Variants in EFCAB14 observed in about 807,000 individuals in gnomAD.
EFCAB14 encodes the protein EF-hand calcium-binding domain-containing protein 14.
In EFCAB14, 43 loss-of-function variants were observed where a neutral mutation model predicts 56.5. That is an observed-to-expected ratio of 0.76 (90% confidence interval 0.60 to 0.98). The LOEUF (loss-of-function observed/expected upper bound fraction) is 0.98, where lower values mean the gene tolerates loss of function less well. Among genes scored for constraint, EFCAB14 ranks in the 50% least tolerant of loss-of-function variants. EFCAB14 has a pLI of 0.00. For missense variants in EFCAB14, 538 were observed against 580.3 expected (o/e 0.93, Z 0.75); for synonymous variants, 235 against 212.9 (o/e 1.10, Z -0.90).
At chr1:46,685,292 G>A (rs1676862552) in intron 8 of EFCAB14, 2 of 152,210 alleles carry the variant, frequency 1.3e-5, no homozygotes, top group African/African-American at 4.8e-5. Flanking sequence ...ATTATAAAAA[G>A]AGAGACATCT....
intron 4 of EFCAB14, 65 bp from the exon 5 acceptor site, chr1:46,692,002 T>C: frequency 5.2e-6 from 6 of 1,146,366 alleles, no homozygotes; most frequent in Admixed American, 2.3e-5. Context: ...CAATAAACTG[T>C]ACATATTCAA....
At chr1:46,689,511 A>C in intron 6 of EFCAB14, 76 bp downstream of exon 6, 1 of 1,431,206 alleles carries the variant, frequency 7.0e-7, no homozygotes, top group South Asian at 1.2e-5. Context: ...GAGACACCAA[A>C]CACTAAGCCC....
Position 46,683,321 on chromosome 1 carries a change from G to A in EFCAB14, c.1291C>T (p.Pro431Ser). The change falls in exon 10 of 11, where the codon CCA becomes TCA. Residue 431 changes from proline to serine, a missense_variant. Transcript: ENST00000371933. ...KAAQLRPISLPGVSSTEDLQD... is the reference protein window; with the variant it reads ...KAAQLRPISLSGVSSTEDLQD... ...TTACCTTCAGTGCTAGAAACTCCTG[G>A]TAGGGAGATAGGTCTTAGTTGGGCA... 6.2e-7 allele frequency: 1 copy of A among 1,613,974 alleles called. No homozygotes were observed. The highest frequency in any genetic ancestry group is 8.5e-7 in the Non-Finnish European group (1 of 1,179,930).
intron 4 of EFCAB14, among the ~76,000 whole-genome samples, chr1:46,693,920 T>C (rs986000656): frequency 1.3e-5 from 2 of 152,072 alleles, no homozygotes; most frequent in Admixed American, 6.6e-5. Flanking sequence ...TCAGAAATAA[T>C]ACCACACATC....
intron 4 of EFCAB14, among the ~76,000 whole-genome samples, chr1:46,693,841 C>G (rs1166566182): frequency 1.3e-5 from 2 of 152,054 alleles, no homozygotes; most frequent in Admixed American, 6.6e-5. Context: ...TGAATAAATT[C>G]AAGAATAAAC....
intron 2 of EFCAB14, among the ~76,000 whole-genome samples, chr1:46,711,042 G>T (rs1294857946): frequency 6.6e-6 from 1 of 152,118 alleles, no homozygotes; most frequent in Non-Finnish European, 1.5e-5. Flanking sequence ...TCCATCTGCT[G>T]TTGGACACCT....
intron 2 of EFCAB14, among the ~76,000 whole-genome samples, chr1:46,711,815 G>C (rs767170756): frequency 1.7e-4 from 26 of 152,212 alleles, no homozygotes; most frequent in Admixed American, 3.9e-4. Context: ...TGTCTTTCCA[G>C]TTTGCAATAA....
At chr1:46,689,156 C>T (rs2148841576) in intron 6 of EFCAB14, among the ~76,000 whole-genome samples, 1 of 152,162 alleles carries the variant, frequency 6.6e-6, no homozygotes, top group South Asian at 2.1e-4. Flanking sequence ...CCCCTCTTGC[C>T]TTTTCGTCTT....
chr1:46,688,487 G>A lies in EFCAB14; in HGVS notation c.853C>T (p.Gln285Ter). The A allele has an allele frequency of 6.2e-7, 1 of 1,613,842 alleles. No individual in the cohort carries two copies. Among genetic ancestry groups the A allele is most frequent in the Non-Finnish European group, 8.5e-7 (1 of 1,179,862 alleles). The change falls in exon 7 of 11, where the codon CAG becomes TAG. Residue 285 changes from glutamine (Q) to a stop codon, truncating the protein, a stop_gained. Transcript: ENST00000371933. LOFTEE classifies it high-confidence loss of function. ...EEVNSALVGY[Q>*]RQNDLKLEGM... Reference sequence around the variant, plus strand: ...TCGAGTTTAAGATCATTCTGTCTCTGGTACCCCACTAGGGCACTGTTTACC... The same window carrying A: ...TCGAGTTTAAGATCATTCTGTCTCTAGTACCCCACTAGGGCACTGTTTACC...
Position 46,691,880 on chromosome 1 carries a change from G to C in EFCAB14, c.637C>G (p.Gln213Glu), listed in dbSNP as rs1676997921. 6.2e-7 allele frequency: 1 copy of C among 1,613,404 alleles called. No individual in the cohort carries two copies. The highest frequency in any genetic ancestry group is 1.7e-5 in the Admixed American group (1 of 59,904). The change falls in exon 5 of 11, where the codon CAG (glutamine) becomes GAG (glutamate). Residue 213 changes from glutamine (Q) to glutamate (E), a missense_variant. Gln to Glu is a conservative substitution (Grantham distance 29). Coordinates refer to ENST00000371933, the MANE Select transcript of EFCAB14 (RefSeq NM_014774.3). ...TTCTTGTGTTCATCCACAGTTTTCT[G>C]TAGTGCTTCCACAGCAAGATGGACG... The part of the protein sequence containing the change: ...NSVHLAVEAL[Q>E]KTVDEHKKTM...
At chr1:46,683,133 C>T in intron 10 of EFCAB14, 167 bp downstream of exon 10, 1 of 716,774 alleles carries the variant, frequency 1.4e-6, no homozygotes, top group Non-Finnish European at 2.2e-6. Context: ...TACTTATGTT[C>T]ATGGGATGGT....
At chr1:46,710,466 A>G (rs569205134) in intron 2 of EFCAB14, among the ~76,000 whole-genome samples, 40 of 151,792 alleles carry the variant, frequency 2.6e-4, no homozygotes, top group South Asian at 2.1e-4. Context: ...CCTTTAACCA[A>G]TCTCTCCCTA....
intron 2 of EFCAB14, among the ~76,000 whole-genome samples, chr1:46,710,067 G>C (rs1271908722): frequency 6.6e-6 from 1 of 152,152 alleles, no homozygotes; most frequent in Non-Finnish European, 1.5e-5. Context: ...AATGAGGAGT[G>C]ATGGTGGTAT....
At chr1:46,712,400 ATCTGGTTTTGG>A (rs1677322826) in intron 2 of EFCAB14, among the ~76,000 whole-genome samples, 1 of 152,054 alleles carries the variant, frequency 6.6e-6, no homozygotes. Flanking sequence ...TTTTTGAAGT[ATCTGGTTTTGG>A]AAAAAAGAAT....
chr1:46,690,054 C>G (rs757177240), intron 5 of EFCAB14, among the ~76,000 whole-genome samples: 1 of 152,200 alleles, frequency 6.6e-6, no homozygotes, highest in Non-Finnish European at 1.5e-5. Context: ...CGGTCTCAAC[C>G]TGGGACAGTG....
In EFCAB14 at chr1:46,717,999, C is replaced by A; in HGVS notation, c.89G>T (p.Arg30Leu). Residue 30 changes from arginine to leucine, a missense_variant, in exon 1 of 11, where the codon CGC becomes CTC. Arg to Leu is a moderately radical substitution (Grantham distance 102). Transcript: ENST00000371933. ...KKPKKGPSSH[R>L]LLRTEPPDSD... ...GTCGGGAGGCTCAGTGCGAAGCAGG[C>A]GGTGACTGCTTGGGCCTTTCTTGGG... 2 of 1,614,184 alleles carry A rather than the reference C, an allele frequency of 1.2e-6. No individual in the cohort carries two copies. The highest frequency in any genetic ancestry group is 8.5e-7 in the Non-Finnish European group (1 of 1,180,042).
intron 2 of EFCAB14, among the ~76,000 whole-genome samples, chr1:46,714,429 T>TA (rs796203292): frequency 0.022 from 2,378 of 107,834 alleles, 34 homozygotes; most frequent in South Asian, 0.054. Flanking sequence ...TCAGTGTTGC[T>TA]AAAAAAAAAA....
intron 2 of EFCAB14, among the ~76,000 whole-genome samples, chr1:46,713,148 C>T (rs1056801329): frequency 6.6e-6 from 1 of 151,346 alleles, no homozygotes; most frequent in African/African-American, 2.4e-5. Flanking sequence ...AAAATAACTC[C>T]TAAGTAGTCT....
chr1:46,693,015 G>A (rs1677023346), intron 4 of EFCAB14, among the ~76,000 whole-genome samples: 1 of 152,142 alleles, frequency 6.6e-6, no homozygotes, highest in Admixed American at 6.5e-5. Flanking sequence ...TAGGAGCAAA[G>A]GACACTTCGA....
Sources: allele counts gnomAD v4.1 joint callset (sites outside exome capture counted in the v4.1 genomes callset), GRCh38; gene constraint gnomAD v4.1.1; transcripts MANE v1.5; gene names NCBI Gene and HGNC (gene_info 2026-07-23, HGNC 2026-07-21).